PPARGC1A: variants seen among roughly 807,000 people sequenced by gnomAD.
PPARGC1A encodes peroxisome proliferator-activated receptor gamma coactivator 1-alpha.
PPARGC1A carries 25 observed loss-of-function variants against 88.7 expected under a neutral mutation model. That is an observed-to-expected ratio of 0.28 (90% CI 0.21 to 0.39). The LOEUF is 0.39. Ranked by LOEUF, PPARGC1A falls within the 10% of genes least tolerant of loss-of-function variation. PPARGC1A has a pLI of 1.00. For missense variants in PPARGC1A, 880 were observed against 968.7 expected (o/e 0.91, Z 1.22); for synonymous variants, 363 against 355.6 (o/e 1.02, Z -0.24).
chr4:24,290,268 A>T, the PPARGC1A span, among the ~76,000 whole-genome samples: 1 of 152,082 alleles, frequency 6.6e-6, no homozygotes, highest in Non-Finnish European at 1.5e-5. Context: ...GTGTTTGGTT[A>T]CATGAGTAAG....
chr4:24,078,562 A>C, the PPARGC1A span, among the ~76,000 whole-genome samples: 22 of 152,090 alleles, frequency 1.4e-4, no homozygotes, highest in Admixed American at 2.6e-4. Context: ...GGAAGGGATC[A>C]GGTCTGTTTG....
At chr4:23,992,085 A>G in the PPARGC1A span, among the ~76,000 whole-genome samples, 31 of 151,974 alleles carry the variant, frequency 2.0e-4, no homozygotes, top group African/African-American at 4.1e-4. Flanking sequence ...TAATTATTGC[A>G]TCAATTACTG....
At chr4:24,108,353 T>C in the PPARGC1A span, among the ~76,000 whole-genome samples, 11 of 152,308 alleles carry the variant, frequency 7.2e-5, no homozygotes, top group South Asian at 2.3e-3. Context: ...GTTTCTTCTA[T>C]TGATTAAAAA....
At chr4:23,997,919 A>G in the PPARGC1A span, among the ~76,000 whole-genome samples, 1 of 152,204 alleles carries the variant, frequency 6.6e-6, no homozygotes, top group South Asian at 2.1e-4. Flanking sequence ...TTTAAAAGGG[A>G]CATTTCTCTT....
At chr4:24,422,590 TA>T in the PPARGC1A span, among the ~76,000 whole-genome samples, 72 of 148,338 alleles carry the variant, frequency 4.9e-4, no homozygotes, top group African/African-American at 1.8e-3. Context: ...TACATAGTAG[TA>T]AGTGAATATG....
At chr4:24,397,999 ACT>A in the PPARGC1A span, among the ~76,000 whole-genome samples, 1 of 152,136 alleles carries the variant, frequency 6.6e-6, no homozygotes, top group Non-Finnish European at 1.5e-5. Context: ...AAACCAGTAA[ACT>A]CTGAAAAAAG....
chr4:24,223,487 T>A, the PPARGC1A span, among the ~76,000 whole-genome samples: 1 of 152,204 alleles, frequency 6.6e-6, no homozygotes, highest in East Asian at 1.9e-4. Context: ...TGACCTCAAA[T>A]GATCTGCTTT....
the PPARGC1A span, among the ~76,000 whole-genome samples, chr4:24,161,006 CA>C: frequency 2.0e-5 from 3 of 152,124 alleles, no homozygotes; most frequent in East Asian, 1.9e-4. Context: ...TGAAAGTTTT[CA>C]GATCTTTCAT....
chr4:24,228,971 T>C, the PPARGC1A span, among the ~76,000 whole-genome samples: 2 of 152,110 alleles, frequency 1.3e-5, no homozygotes, highest in Non-Finnish European at 2.9e-5. Flanking sequence ...TCAGTCATTA[T>C]ATCTTTTACA....
chr4:24,051,864 G>A, the PPARGC1A span, among the ~76,000 whole-genome samples: 6 of 151,150 alleles, frequency 4.0e-5, no homozygotes, highest in African/African-American at 1.5e-4. Flanking sequence ...AATAGGCACC[G>A]AGGCATTGAG....
the PPARGC1A span, among the ~76,000 whole-genome samples, chr4:24,211,118 T>G: frequency 6.6e-6 from 1 of 152,218 alleles, no homozygotes; most frequent in African/African-American, 2.4e-5. Flanking sequence ...TTTTCATGTC[T>G]TGTTATTCCC....
chr4:24,328,003 C>T, the PPARGC1A span, among the ~76,000 whole-genome samples: 2 of 152,216 alleles, frequency 1.3e-5, no homozygotes, highest in East Asian at 3.9e-4. Flanking sequence ...CACTGAGCAC[C>T]TTGTGACCCC....
At chr4:23,970,766 A>C in the PPARGC1A span, among the ~76,000 whole-genome samples, 1 of 152,214 alleles carries the variant, frequency 6.6e-6, no homozygotes. Flanking sequence ...CAATGGAAAC[A>C]ATACCAGGTC....
the PPARGC1A span, among the ~76,000 whole-genome samples, chr4:24,333,774 A>G: frequency 1.3e-5 from 2 of 151,882 alleles, no homozygotes; most frequent in Non-Finnish European, 2.9e-5. Flanking sequence ...ATTCTACTAA[A>G]AGTACAGAAA....
the PPARGC1A span, among the ~76,000 whole-genome samples, chr4:24,366,981 C>T: frequency 6.6e-6 from 1 of 152,114 alleles, no homozygotes; most frequent in Non-Finnish European, 1.5e-5. Context: ...TATATACACA[C>T]TTGTGGAAAA....
the PPARGC1A span, among the ~76,000 whole-genome samples, chr4:23,998,465 T>G: frequency 6.6e-6 from 1 of 152,144 alleles, no homozygotes; most frequent in Non-Finnish European, 1.5e-5. Flanking sequence ...TTCTACAATT[T>G]CTTGTCTGTA....
the PPARGC1A span, among the ~76,000 whole-genome samples, chr4:24,076,370 C>T: frequency 6.6e-6 from 1 of 152,134 alleles, no homozygotes; most frequent in East Asian, 1.9e-4. Context: ...CCACTCGAAT[C>T]ACAATTCATA....
chr4:24,046,517 CA>C, the PPARGC1A span, among the ~76,000 whole-genome samples: 5 of 152,024 alleles, frequency 3.3e-5, no homozygotes, highest in Non-Finnish European at 7.3e-5. Context: ...CTTCTTCTAC[CA>C]GACTGATTTT....
At chr4:24,436,658 A>C in the PPARGC1A span, among the ~76,000 whole-genome samples, 1 of 138,440 alleles carries the variant, frequency 7.2e-6, no homozygotes, top group Admixed American at 7.2e-5. Flanking sequence ...GCCACCCCAG[A>C]GCCCAGGTCA....
Sources: allele counts gnomAD v4.1 joint callset (sites outside exome capture counted in the v4.1 genomes callset), GRCh38; gene constraint gnomAD v4.1.1; transcripts MANE v1.5; gene names NCBI Gene and HGNC (gene_info 2026-07-23, HGNC 2026-07-21).